Variants in KRCC1 observed in about 807,000 individuals in gnomAD.
KRCC1 encodes the protein lysine rich coiled-coil 1.
A neutral mutation model predicts 7.4 loss-of-function variants in KRCC1; 3 were observed. The ratio of observed to expected loss-of-function variants is 0.40; its 90% confidence interval spans 0.18 to 1.04. The LOEUF is 1.04. Ranked by LOEUF, KRCC1 falls within the 50% of genes least tolerant of loss-of-function variation. The pLI, the probability that KRCC1 is intolerant of heterozygous loss-of-function variation, is 0.33. For synonymous variants in KRCC1, 102 were observed against 101.6 expected (o/e 1.00, Z -0.02); for missense variants, 277 against 300.9 (o/e 0.92, Z 0.59).
intron 1 of KRCC1, among the ~76,000 whole-genome samples, chr2:88,053,585 T>G (rs1355681696): frequency 6.6e-6 from 1 of 152,216 alleles, no homozygotes; most frequent in East Asian, 1.9e-4. Context: ...AATCTAGTCT[T>G]CCAAAACTGC....
chr2:88,055,173 T>C (rs1673589673), intron 1 of KRCC1, among the ~76,000 whole-genome samples: 1 of 148,028 alleles, frequency 6.8e-6, no homozygotes, highest in African/African-American at 2.5e-5. Context: ...AATCCACCTC[T>C]CCCTAAGCGT....
At chr2:88,035,684 C>A (rs756013454) in intron 2 of KRCC1, among the ~76,000 whole-genome samples, 1 of 152,076 alleles carries the variant, frequency 6.6e-6, no homozygotes, top group East Asian at 1.9e-4. Flanking sequence ...GAAAAGGACA[C>A]TAACATTTTC....
chr2:88,037,310 T>C (rs1442166518), intron 1 of KRCC1, among the ~76,000 whole-genome samples: 1 of 152,216 alleles, frequency 6.6e-6, no homozygotes, highest in African/African-American at 2.4e-5. Context: ...GGGGCACCAA[T>C]ATTGAAAGCC....
chr2:88,038,951 C>T (rs927666358), intron 1 of KRCC1, among the ~76,000 whole-genome samples: 3 of 152,160 alleles, frequency 2.0e-5, no homozygotes, highest in Non-Finnish European at 4.4e-5. Context: ...ATTACATGGT[C>T]TGAGGAGCCA....
At chr2:88,038,488 G>A (rs1673139653) in intron 1 of KRCC1, among the ~76,000 whole-genome samples, 1 of 152,198 alleles carries the variant, frequency 6.6e-6, no homozygotes, top group African/African-American at 2.4e-5. Context: ...CATTCCCACT[G>A]TGTGAGGTGA....
At chr2:88,047,858 A>G (rs936423956) in intron 1 of KRCC1, among the ~76,000 whole-genome samples, 1 of 152,078 alleles carries the variant, frequency 6.6e-6, no homozygotes, top group African/African-American at 2.4e-5. Context: ...TGGTTACTAA[A>G]TATCTTTAAT....
intron 1 of KRCC1, among the ~76,000 whole-genome samples, chr2:88,053,790 T>C (rs1673552072): frequency 6.6e-6 from 1 of 152,164 alleles, no homozygotes; most frequent in Non-Finnish European, 1.5e-5. Context: ...ATACAATATC[T>C]CATCATGAAA....
Position 88,028,320 on chromosome 2 carries a change from C to G in KRCC1, c.244G>C (p.Glu82Gln). ...PRSCNIPQTV[E>Q]NRLPQWLPAH... ...GGTAACCACTGAGGCAACCGATTTT[C>G]CACTGTTTGTGGAATATTGCATGAT... The change falls in exon 4 of 4, where the codon GAA (glutamate) becomes CAA (glutamine). Residue 82 changes from glutamate (E) to glutamine (Q), a missense_variant. Transcript: ENST00000347055. The G allele has an allele frequency of 6.2e-7, 1 of 1,614,154 alleles. No individual in the cohort carries two copies. The highest frequency in any genetic ancestry group is 8.5e-7 in the Non-Finnish European group (1 of 1,180,032).
intron 3 of KRCC1, among the ~76,000 whole-genome samples, chr2:88,033,434 G>C (rs1673032418): frequency 6.6e-6 from 1 of 152,124 alleles, no homozygotes; most frequent in East Asian, 1.9e-4. Context: ...GCTGAGGCAG[G>C]AGAATTGCTT....
chr2:88,051,073 G>A (rs12464581), intron 1 of KRCC1, among the ~76,000 whole-genome samples: 126,097 of 151,380 alleles, frequency 0.83, 53,847 homozygotes, highest in Non-Finnish European at 0.93. Context: ...ACAAGCATGC[G>A]GGGCCATGCC....
chr2:88,042,278 T>C (rs1573080808), intron 1 of KRCC1, among the ~76,000 whole-genome samples: 1 of 152,112 alleles, frequency 6.6e-6, no homozygotes, highest in African/African-American at 2.4e-5. Flanking sequence ...GCCAAGATGG[T>C]CTCGATCTCC....
intron 2 of KRCC1, among the ~76,000 whole-genome samples, chr2:88,036,557 C>T (rs922839541): frequency 1.3e-5 from 2 of 152,158 alleles, no homozygotes; most frequent in African/African-American, 4.8e-5. Flanking sequence ...AAGACTGCTG[C>T]ATATTATGTT....
At chr2:88,049,412 T>C (rs972984264) in intron 1 of KRCC1, among the ~76,000 whole-genome samples, 4 of 152,120 alleles carry the variant, frequency 2.6e-5, no homozygotes, top group Non-Finnish European at 5.9e-5. Flanking sequence ...CTTGGGAAGC[T>C]GAAGTAGGTG....
Position 88,028,500 on chromosome 2 carries a change from G to A in KRCC1, c.64C>T (p.Gln22Ter). Reference sequence around the variant, plus strand: ...TTTGGCTCTAAGCCTCTGGCTTTCTGTACTTTAATATAATCTTCAAGTTCA... The same window carrying A: ...TTTGGCTCTAAGCCTCTGGCTTTCTATACTTTAATATAATCTTCAAGTTCA... ...QDELEDYIKV[Q>*]KARGLEPKTC... is the part of the protein sequence containing the mutation. The change falls in exon 4 of 4, where the codon CAG becomes TAG. Residue 22 changes from glutamine to a stop codon, truncating the protein, a stop_gained. Transcript: ENST00000347055. LOFTEE classifies it low-confidence loss of function (END_TRUNC). 4 of 1,613,180 alleles carry A rather than the reference G, an allele frequency of 2.5e-6. No individual in the cohort carries two copies. Among genetic ancestry groups the A allele is most frequent in the Non-Finnish European group, 3.4e-6 (4 of 1,179,390 alleles).
intron 1 of KRCC1, among the ~76,000 whole-genome samples, chr2:88,048,938 T>A (rs1673405223): frequency 6.6e-6 from 1 of 152,206 alleles, no homozygotes; most frequent in Non-Finnish European, 1.5e-5. Context: ...AGAACTTAAT[T>A]GGGGTAACAA....
intron 1 of KRCC1, among the ~76,000 whole-genome samples, chr2:88,042,576 C>T (rs916944760): frequency 1.3e-5 from 2 of 152,062 alleles, no homozygotes; most frequent in African/African-American, 4.8e-5. Context: ...TGCTAGCATG[C>T]CCAGCTAATT....
chr2:88,030,405 C>G (rs756438103), intron 3 of KRCC1, among the ~76,000 whole-genome samples: 2 of 151,296 alleles, frequency 1.3e-5, no homozygotes, highest in Non-Finnish European at 2.9e-5. Context: ...AAATATAGTT[C>G]TTGTTCAACT....
chr2:88,034,760 C>T (rs1249088997), intron 2 of KRCC1, among the ~76,000 whole-genome samples: 3 of 152,092 alleles, frequency 2.0e-5, no homozygotes, highest in African/African-American at 7.2e-5. Flanking sequence ...TCCTATCTAC[C>T]TGTAACTTTG....
At chr2:88,032,683 C>CGGGT (rs1673017634) in intron 3 of KRCC1, among the ~76,000 whole-genome samples, 1 of 152,072 alleles carries the variant, frequency 6.6e-6, no homozygotes, top group Non-Finnish European at 1.5e-5. Context: ...TGGATTAAAT[C>CGGGT]AAACAGTGGT....
Sources: gnomAD v4.1 joint callset for allele counts (sites outside exome capture counted in the v4.1 genomes callset) on GRCh38, gnomAD v4.1.1 for gene constraint, MANE v1.5 for transcripts, NCBI Gene and HGNC (gene_info 2026-07-23, HGNC 2026-07-21) for gene names.